The following NFIC variants were observed in gnomAD, a reference collection of about 807,000 sequenced individuals.
The protein encoded by NFIC is nuclear factor 1 C-type.
A neutral mutation model predicts 54.4 loss-of-function variants in NFIC; 12 were observed. The observed-to-expected ratio is 0.22, with a 90% confidence interval of 0.14 to 0.36. NFIC has a LOEUF of 0.36. Ranked by LOEUF, NFIC falls within the 10% of genes least tolerant of loss-of-function variation. The probability of loss-of-function intolerance (pLI) is 1.00; values close to 1 mark genes in which losing one functional copy is unlikely to be tolerated. For synonymous variants in NFIC, 322 were observed against 319.2 expected, an observed-to-expected ratio of 1.01 and a Z score of -0.09; for missense variants, 575 against 718.2, an observed-to-expected ratio of 0.80 and a Z score of 2.28.
intron 1 of NFIC, among the ~76,000 whole-genome samples, chr19:3,367,925 T>A (rs1011792996): frequency 6.6e-6 from 1 of 151,926 alleles, no homozygotes; most frequent in Non-Finnish European, 1.5e-5. Context: ...CTTGGTAGGG[T>A]CTTTCTCACC....
At chr19:3,413,508 C>T (rs1363543082) in intron 2 of NFIC, among the ~76,000 whole-genome samples, 2 of 151,998 alleles carry the variant, frequency 1.3e-5, no homozygotes, top group African/African-American at 4.8e-5. Flanking sequence ...CCTCAGTTTC[C>T]CCAGCTGGCG....
At chr19:3,368,515 G>A (rs12975866) in intron 1 of NFIC, among the ~76,000 whole-genome samples, 1 of 152,074 alleles carries the variant, frequency 6.6e-6, no homozygotes, top group Non-Finnish European at 1.5e-5. Flanking sequence ...GCAAGAGACA[G>A]AGATGAGAAG....
At chr19:3,433,352 C>A (rs975882540) in intron 3 of NFIC, among the ~76,000 whole-genome samples, 166 bp from the exon 4 acceptor site, 2 of 152,228 alleles carry the variant, frequency 1.3e-5, no homozygotes, top group Admixed American at 6.5e-5. Flanking sequence ...GGACCCCCCA[C>A]GGGGCCTTCC....
chr19:3,425,030 A>T, intron 2 of NFIC, 76 bp from the exon 3 acceptor site: 1 of 1,508,084 alleles, frequency 6.6e-7, no homozygotes, highest in East Asian at 2.3e-5. Context: ...GACTGGGGCC[A>T]CCAGCATCGA....
At chr19:3,407,451 T>C (rs949668031) in intron 2 of NFIC, among the ~76,000 whole-genome samples, 1 of 148,936 alleles carries the variant, frequency 6.7e-6, no homozygotes, top group Non-Finnish European at 1.5e-5. Flanking sequence ...TGTTGTTGTT[T>C]TTGAGATGGA....
intron 2 of NFIC, among the ~76,000 whole-genome samples, chr19:3,397,356 G>A (rs556238116): frequency 8.5e-5 from 13 of 152,310 alleles, no homozygotes; most frequent in South Asian, 2.1e-4. Context: ...GGAACGTTCC[G>A]GATCCTGCCT....
Position 3,452,709 on chromosome 19 carries a change from A to G in NFIC, c.1269+43A>G. ...CATTCGGGCCTCTCCTGGCGGCTCC[A>G]GGTGACCTCCCGGGGGCCACGTGCT... On this transcript the variant is annotated intron_variant, in intron 8 of 10. Coordinates refer to ENST00000443272, the MANE Select transcript of NFIC (RefSeq NM_001245002.2). This position sits in a 1 kb window ranked among gnomAD's most constrained non-coding sequence, Gnocchi z 5.3. The G allele has an allele frequency of 1.3e-6, 2 of 1,545,922 alleles. No homozygotes were observed. The highest frequency in any genetic ancestry group is 1.7e-6 in the Non-Finnish European group (2 of 1,150,150).
In NFIC at chr19:3,463,573, T is replaced by C. The variant is rs1171147375; in HGVS notation, c.*804T>C. 7.1e-6 allele frequency: 7 copies of C among 982,556 alleles called. No homozygotes were observed. Among genetic ancestry groups the C allele is most frequent in the Admixed American group, 1.2e-4 (2 of 16,056 alleles). The allele number at this position is 982,556 out of a possible 1,614,324, so 60.9% of individuals were successfully genotyped here. A position where few individuals can be genotyped will look rare whatever the true frequency, so the allele number is the denominator to read the frequency against. On this transcript the variant is annotated 3_prime_UTR_variant, in exon 11 of 11. Transcript: ENST00000443272. ...GTCTCGCTGGGGACTCTTTCAGCCC[T>C]CGCGCCCGCCCGTTTGGGAGGAGAA...
chr19:3,424,489 G>C (rs11665658), intron 2 of NFIC, among the ~76,000 whole-genome samples: 29,319 of 152,132 alleles, frequency 0.19, 4,005 homozygotes, highest in East Asian at 0.61. Context: ...CGATTCTCCT[G>C]TCTCAGTCTC....
At chr19:3,359,655 G>A in exon 1 of NFIC, 1 of 1,388,140 alleles carries the variant, frequency 7.2e-7, no homozygotes. Context: ...TCGCTCCGGC[G>A]CCGGCCTCGC....
At chr19:3,385,517 T>A (rs2081281289) in intron 2 of NFIC, among the ~76,000 whole-genome samples, 1 of 151,720 alleles carries the variant, frequency 6.6e-6, no homozygotes, top group Non-Finnish European at 1.5e-5. Flanking sequence ...TCGGGATTGG[T>A]TTGTTTGTTT....
chr19:3,424,592 G>C (rs553744852), intron 2 of NFIC, among the ~76,000 whole-genome samples: 1 of 149,422 alleles, frequency 6.7e-6, no homozygotes, highest in Non-Finnish European at 1.5e-5. Flanking sequence ...GGCCAGTCTG[G>C]TCTCAAACTC....
chr19:3,394,513 T>TCCCCCCCCCCCCCCCCCCCCCC (rs1192475558), intron 2 of NFIC, among the ~76,000 whole-genome samples: 1 of 9,004 alleles, frequency 1.1e-4, no homozygotes, highest in African/African-American at 3.9e-4. Flanking sequence ...TTATGATCTT[T>TCCCCCCCCCCCCCCCCCCCCCC]TCCCCACCCA....
At chr19:3,418,581 G>T (rs935146844) in intron 2 of NFIC, among the ~76,000 whole-genome samples, 2 of 152,180 alleles carry the variant, frequency 1.3e-5, no homozygotes, top group Admixed American at 1.3e-4. Flanking sequence ...GCCGGGCGTG[G>T]TGGCTCACAC....
intron 1 of NFIC, among the ~76,000 whole-genome samples, chr19:3,376,568 C>G (rs2081112189): frequency 6.6e-6 from 1 of 151,414 alleles, no homozygotes; most frequent in African/African-American, 2.4e-5. Context: ...GAGACTCCAT[C>G]TCTGCAAAAA....
intron 2 of NFIC, among the ~76,000 whole-genome samples, chr19:3,411,345 T>TTTTTTTA (rs2081755631): frequency 6.8e-6 from 1 of 146,728 alleles, no homozygotes; most frequent in African/African-American, 2.5e-5. Flanking sequence ...TTTTTTTTTT[T>TTTTTTTA]GAGACGGAGT....
chr19:3,399,732 C>A (rs60120291), intron 2 of NFIC, among the ~76,000 whole-genome samples: 41,217 of 151,460 alleles, frequency 0.27, 5,769 homozygotes, highest in East Asian at 0.41. Flanking sequence ...ATTAGCTGGG[C>A]GTGTGGTGGG....
At chr19:3,426,853 C>A (rs759855096) in intron 3 of NFIC, among the ~76,000 whole-genome samples, 1 of 152,136 alleles carries the variant, frequency 6.6e-6, no homozygotes, top group African/African-American at 2.4e-5. Flanking sequence ...CTGGTCTCAG[C>A]TCAAATGCCC....
chr19:3,388,650 A>T (rs2145495590), intron 2 of NFIC, among the ~76,000 whole-genome samples: 1 of 147,806 alleles, frequency 6.8e-6, no homozygotes, highest in Non-Finnish European at 1.5e-5. Flanking sequence ...TAGCACGACC[A>T]TGCCCCCCCC....
Sources: gnomAD v4.1 joint callset for allele counts (sites outside exome capture counted in the v4.1 genomes callset) on GRCh38, gnomAD v4.1.1 for gene constraint, Gnocchi (gnomAD v3.1) non-coding constraint, MANE v1.5 for transcripts, NCBI Gene and HGNC (gene_info 2026-07-23, HGNC 2026-07-21) for gene names.